The following ASIC2 variants were observed in gnomAD, a reference collection of about 807,000 sequenced individuals.
ASIC2 encodes acid-sensing ion channel 2.
A neutral mutation model predicts 57.3 loss-of-function variants in ASIC2; 25 were observed. That is an observed-to-expected ratio of 0.44 (90% confidence interval 0.32 to 0.61). The LOEUF (loss-of-function observed/expected upper bound fraction) is 0.61. ASIC2 is among the 20% of genes least tolerant of loss of function. The pLI is 0.06. For synonymous variants in ASIC2, 319 were observed against 307.5 expected, an observed-to-expected ratio of 1.04 and a Z score of -0.39; for missense variants, 641 against 738.1, an observed-to-expected ratio of 0.87 and a Z score of 1.52.
Position 33,079,236 on chromosome 17 carries a change from A to G in ASIC2, c.987+9627T>C, listed in dbSNP as rs551110588. 9.8e-4 allele frequency among the ~76,000 whole-genome samples: 150 copies of G among 152,364 alleles called. 1 individual carries two copies. Among genetic ancestry groups the G allele is most frequent in the Non-Finnish European group, 1.8e-3 (120 of 68,034 alleles). ...GAATTCCCAGTTTGGCAGGGGAGAT[A>G]GATAAGTAAACAGACGGTTATAATG... is the stretch of plus-strand genomic sequence containing the variant. On this transcript the variant is annotated intron_variant, in intron 3 of 9. Transcript: ENST00000225823.
intron 1 of ASIC2, among the ~76,000 whole-genome samples, chr17:33,833,121 G>A (rs1365378840): frequency 6.6e-6 from 1 of 152,092 alleles, no homozygotes; most frequent in Non-Finnish European, 1.5e-5. Context: ...TAAAACGGGA[G>A]GCTGCATTGG....
chr17:33,038,901 C>G (rs1438823404), intron 3 of ASIC2, among the ~76,000 whole-genome samples: 4 of 152,210 alleles, frequency 2.6e-5, no homozygotes, highest in Non-Finnish European at 4.4e-5. Context: ...CCGCAGCCCT[C>G]GCAGCCCTAA....
At chr17:33,803,390 T>A (rs998789324) in intron 1 of ASIC2, among the ~76,000 whole-genome samples, 1 of 152,120 alleles carries the variant, frequency 6.6e-6, no homozygotes, top group African/African-American at 2.4e-5. Context: ...TTTGCATACA[T>A]GTGGATTTCC....
intron 1 of ASIC2, among the ~76,000 whole-genome samples, chr17:33,443,406 A>ATTTTTTTTTTTTTTTTTTTTT (rs779597047): frequency 2.7e-5 from 2 of 75,232 alleles, no homozygotes; most frequent in African/African-American, 5.5e-5. Flanking sequence ...GGAGGGTAAG[A>ATTTTTTTTTTTTTTTTTTTTT]TTTTTTTTTT....
chr17:33,680,115 G>A (rs759696694), intron 1 of ASIC2, among the ~76,000 whole-genome samples: 1 of 152,136 alleles, frequency 6.6e-6, no homozygotes, highest in African/African-American at 2.4e-5. Flanking sequence ...TCACCTGAAT[G>A]TCAGGGCAAG....
At chr17:33,500,460 A>T (rs8064773) in intron 1 of ASIC2, among the ~76,000 whole-genome samples, 1 of 152,172 alleles carries the variant, frequency 6.6e-6, no homozygotes, top group African/African-American at 2.4e-5. Context: ...GGCCTGGGAC[A>T]GGCCTACAAG....
chr17:33,974,480 C>T (rs1198329317), intron 1 of ASIC2, among the ~76,000 whole-genome samples: 1 of 152,158 alleles, frequency 6.6e-6, no homozygotes, highest in Non-Finnish European at 1.5e-5. Flanking sequence ...CATGCAGTCT[C>T]AGTGGTGGTA....
intron 1 of ASIC2, among the ~76,000 whole-genome samples, chr17:33,822,195 G>A (rs8076799): frequency 0.81 from 123,233 of 152,202 alleles, 50,179 homozygotes; most frequent in African/African-American, 0.85. Context: ...CTGAGCTACC[G>A]TAATACCCAA....
At chr17:33,578,423 C>T (rs1187617675) in intron 1 of ASIC2, among the ~76,000 whole-genome samples, 1 of 152,152 alleles carries the variant, frequency 6.6e-6, no homozygotes, top group Non-Finnish European at 1.5e-5. Flanking sequence ...TGCTACCTTA[C>T]TCATTTACAG....
chr17:33,684,128 GT>G (rs1158762364), intron 1 of ASIC2, among the ~76,000 whole-genome samples: 3 of 152,178 alleles, frequency 2.0e-5, no homozygotes, highest in Non-Finnish European at 4.4e-5. Context: ...TACTCTTTCT[GT>G]TTTTGACTTC....
intron 1 of ASIC2, among the ~76,000 whole-genome samples, chr17:34,040,721 C>G (rs1221306263): frequency 2.0e-5 from 3 of 152,118 alleles, no homozygotes; most frequent in Non-Finnish European, 4.4e-5. Context: ...CCAGTGTCCT[C>G]ACCTCTCCCC....
rs111784316 is a variant in ASIC2 at position 34,073,990 on chromosome 17, C to T, written c.555+81988G>A. On this transcript the variant is annotated intron_variant, in intron 1 of 9. Coordinates refer to the ASIC2 transcript ENST00000359872. Reference sequence around the variant, plus strand: ...ACTGTCTGCACATGCAGCCAATATACGGCCTTCAGTTCCTTCTCTCCCCAG... The same window carrying T: ...ACTGTCTGCACATGCAGCCAATATATGGCCTTCAGTTCCTTCTCTCCCCAG... Among the ~76,000 whole-genome samples the T allele has an allele frequency of 3.3e-4, 50 of 152,302 alleles. 1 individual carries two copies. The highest frequency in any genetic ancestry group is 8.7e-4 in the African/African-American group (36 of 41,566).
intron 1 of ASIC2, among the ~76,000 whole-genome samples, chr17:33,113,550 C>T (rs917923820): frequency 1.3e-5 from 2 of 152,196 alleles, no homozygotes; most frequent in African/African-American, 4.8e-5. Flanking sequence ...ATGGAGGCCA[C>T]AGGGAGGCTC....
chr17:34,024,097 T>C (rs1397153447), intron 1 of ASIC2, among the ~76,000 whole-genome samples: 1 of 152,212 alleles, frequency 6.6e-6, no homozygotes, highest in Non-Finnish European at 1.5e-5. Context: ...AGCCAGCTCC[T>C]GAAAGGGCTT....
rs116857095 is a variant in ASIC2 at position 33,422,432 on chromosome 17, G to C, written c.556-310365C>G. 1.1e-3 allele frequency among the ~76,000 whole-genome samples: 175 copies of C among 152,324 alleles called. 2 individuals are homozygous for C. The East Asian group carries it at 0.031, about 27-fold the overall frequency. ...AAAGGCTGACTGGGAGTGCTGGTCT[G>C]CCAAGTTCCTCAAACCGTTTTTAGC... On this transcript the variant is annotated intron_variant, in intron 1 of 9. Transcript: ENST00000359872.
chr17:33,431,028 G>C (rs531771279), intron 1 of ASIC2, among the ~76,000 whole-genome samples: 1 of 152,250 alleles, frequency 6.6e-6, no homozygotes, highest in East Asian at 1.9e-4. Flanking sequence ...AGGATGCAGA[G>C]GGGGGCAGCA....
intron 1 of ASIC2, among the ~76,000 whole-genome samples, chr17:33,328,944 A>C (rs977874166): frequency 6.6e-6 from 1 of 152,190 alleles, no homozygotes; most frequent in Non-Finnish European, 1.5e-5. Flanking sequence ...TCCTCTTGCT[A>C]TATTTTTCCC....
intron 1 of ASIC2, among the ~76,000 whole-genome samples, chr17:33,307,271 CT>C (rs1906218209): frequency 7.9e-6 from 1 of 127,148 alleles, no homozygotes; most frequent in Non-Finnish European, 1.7e-5. Flanking sequence ...CTTCCTCCTC[CT>C]CTTCCTTCTT....
chr17:33,446,221 A>G (rs545763818), intron 1 of ASIC2, among the ~76,000 whole-genome samples: 1 of 152,296 alleles, frequency 6.6e-6, no homozygotes, highest in East Asian at 1.9e-4. Flanking sequence ...TCCCAAGAAC[A>G]TCCCTGGTGG....
Sources: gnomAD v4.1 joint callset for allele counts (sites outside exome capture counted in the v4.1 genomes callset) on GRCh38, gnomAD v4.1.1 for gene constraint, MANE v1.5 for transcripts, NCBI Gene and HGNC (gene_info 2026-07-23, HGNC 2026-07-21) for gene names.